Variants in CHODL observed in about 807,000 individuals in gnomAD.
The protein encoded by CHODL is chondrolectin.
A neutral mutation model predicts 34.5 loss-of-function variants in CHODL; 29 were observed. The observed-to-expected ratio is 0.84, with a 90% CI of 0.63 to 1.15. The LOEUF is 1.15. CHODL is among the 50% of genes most tolerant of loss of function. CHODL has a pLI of 0.00. For synonymous variants in CHODL, 125 were observed against 116.1 expected (o/e 1.08, Z -0.49); for missense variants, 332 against 332.5 (o/e 1.00, Z 0.01).
intron 2 of CHODL, among the ~76,000 whole-genome samples, chr21:18,172,937 C>CAGTT (rs1568922501): frequency 6.6e-6 from 1 of 152,158 alleles, no homozygotes; most frequent in Admixed American, 6.5e-5. Flanking sequence ...CAAGCCCATT[C>CAGTT]AGTTTACTGG....
chr21:18,006,361 A>T (rs1038944017), intron 1 of CHODL, among the ~76,000 whole-genome samples: 5 of 151,888 alleles, frequency 3.3e-5, no homozygotes, highest in Non-Finnish European at 7.4e-5. Flanking sequence ...TAAAAGAAAA[A>T]AAAAAAAGAA....
At position 17,938,485 on chromosome 21, in the gene CHODL, TTTTTTTTTA is replaced by T. The variant is rs2063334952; in HGVS notation, c.-145+21086_-145+21094del. Among the ~76,000 whole-genome samples the T allele has an allele frequency of 9.5e-4, 5 of 5,240 alleles. 1 individual carries two copies. Among genetic ancestry groups the T allele is most frequent in the South Asian group, 7.1e-3 (2 of 280 alleles). The allele number at this position is 5,240 out of a possible 152,430, so 3.4% of individuals were successfully genotyped here. Reference sequence around the variant, plus strand: ...TTCTTTTTTTTTTTTTTTTTTTTTTTTTTTTTTTAAGGAAAGGGAGTCTCGCTCCATCGC... The same window carrying T: ...TTCTTTTTTTTTTTTTTTTTTTTTTTAGGAAAGGGAGTCTCGCTCCATCGC... On this transcript the variant is annotated intron_variant, in intron 1 of 6. Coordinates refer to the CHODL transcript ENST00000400127.
chr21:18,079,751 T>A (rs2064914860), intron 2 of CHODL, among the ~76,000 whole-genome samples: 1 of 87,886 alleles, frequency 1.1e-5, no homozygotes, highest in Non-Finnish European at 3.5e-5. Flanking sequence ...TAATAATACC[T>A]ACTCGTGTAT....
chr21:17,969,588 A>G (rs2063598440), intron 1 of CHODL, among the ~76,000 whole-genome samples: 1 of 152,208 alleles, frequency 6.6e-6, no homozygotes. Flanking sequence ...GTGACAGTGT[A>G]TACCATTTTT....
chr21:18,195,382 A>G (rs2073574852), intron 2 of CHODL, among the ~76,000 whole-genome samples: 1 of 152,110 alleles, frequency 6.6e-6, no homozygotes, highest in African/African-American at 2.4e-5. Context: ...TATAGTCACC[A>G]TGCTATATAG....
intron 3 of CHODL, among the ~76,000 whole-genome samples, chr21:18,259,876 C>T (rs563060999): frequency 1.3e-5 from 2 of 152,128 alleles, no homozygotes; most frequent in Non-Finnish European, 2.9e-5. Flanking sequence ...TCTTGGTTAT[C>T]CTTGCTTAAC....
intron 1 of CHODL, among the ~76,000 whole-genome samples, chr21:17,960,675 T>G (rs17768858): frequency 0.031 from 4,718 of 152,268 alleles, 104 homozygotes; most frequent in South Asian, 0.094. Context: ...AATCTGTTCT[T>G]GATCTTTTCC....
chr21:17,982,534 G>T (rs1394201712), intron 1 of CHODL, among the ~76,000 whole-genome samples: 2 of 151,424 alleles, frequency 1.3e-5, no homozygotes, highest in East Asian at 3.9e-4. Context: ...TTTTATTATA[G>T]GAACATTTCA....
chr21:18,193,448 C>G (rs541418965), intron 2 of CHODL, among the ~76,000 whole-genome samples: 3 of 152,132 alleles, frequency 2.0e-5, no homozygotes, highest in Admixed American at 6.6e-5. Context: ...GTAATCCCAG[C>G]ATTTTGGGAG....
intron 2 of CHODL, among the ~76,000 whole-genome samples, chr21:18,185,769 C>A (rs2073433246): frequency 6.6e-6 from 1 of 152,104 alleles, no homozygotes; most frequent in Admixed American, 6.5e-5. Flanking sequence ...ATCAAGGCAC[C>A]AACAGATTTG....
intron 2 of CHODL, among the ~76,000 whole-genome samples, chr21:18,124,016 C>T (rs1302659631): frequency 6.6e-6 from 1 of 152,054 alleles, no homozygotes; most frequent in East Asian, 1.9e-4. Flanking sequence ...AATCCCGTCT[C>T]TACTAAAAAA....
intron 2 of CHODL, among the ~76,000 whole-genome samples, chr21:18,167,225 G>C (rs796477957): frequency 0.095 from 14,166 of 149,416 alleles, 839 homozygotes; most frequent in South Asian, 0.16. Context: ...GTGTGTGTGT[G>C]TGTGTGTGTG....
intron 2 of CHODL, among the ~76,000 whole-genome samples, chr21:18,034,005 C>T (rs1600919730): frequency 6.6e-6 from 1 of 151,852 alleles, no homozygotes. Flanking sequence ...AAGGAATTTC[C>T]ACTGACTCTA....
At chr21:18,195,472 AC>A (rs2146699772) in intron 2 of CHODL, among the ~76,000 whole-genome samples, 1 of 151,778 alleles carries the variant, frequency 6.6e-6, no homozygotes, top group African/African-American at 2.4e-5. Context: ...CCTCACCATC[AC>A]CCGCAGTCCT....
At chr21:18,087,913 C>T (rs1477944973) in intron 2 of CHODL, among the ~76,000 whole-genome samples, 2 of 152,054 alleles carry the variant, frequency 1.3e-5, no homozygotes, top group African/African-American at 4.8e-5. Flanking sequence ...CTGCAGAGGC[C>T]TCAGGAAACT....
chr21:17,949,681 A>G (rs1201434231), intron 1 of CHODL, among the ~76,000 whole-genome samples: 1 of 152,194 alleles, frequency 6.6e-6, no homozygotes, highest in Non-Finnish European at 1.5e-5. Flanking sequence ...TGTAAAAGTA[A>G]ATGTTATAGT....
In CHODL at chr21:17,968,799, A is replaced by G. The variant is rs189949171; in HGVS notation, c.-145+51399A>G. ...AGTTGGATGGAAGAATCTTTATTTT[A>G]TTCTTACTGTTGATTCCCCTGTACT... On this transcript the variant is annotated intron_variant, in intron 1 of 6. Transcript: ENST00000400127. 9.7e-4 allele frequency among the ~76,000 whole-genome samples: 148 copies of G among 152,234 alleles called. 1 individual carries two copies. The highest frequency in any genetic ancestry group is 1.6e-3 in the Admixed American group (24 of 15,286).
chr21:18,261,664 C>T (rs2074384374), intron 4 of CHODL, among the ~76,000 whole-genome samples: 1 of 151,490 alleles, frequency 6.6e-6, no homozygotes, highest in Non-Finnish European at 1.5e-5. Flanking sequence ...AGACTCTGTC[C>T]CTCCACAAAA....
chr21:18,041,292 T>C (rs1448822651), intron 2 of CHODL, among the ~76,000 whole-genome samples: 1 of 151,928 alleles, frequency 6.6e-6, no homozygotes, highest in Non-Finnish European at 1.5e-5. Context: ...GTGATTGGCT[T>C]TGGGGACTTG....
Sources: gnomAD v4.1 joint callset for allele counts (sites outside exome capture counted in the v4.1 genomes callset) on GRCh38, gnomAD v4.1.1 for gene constraint, MANE v1.5 for transcripts, NCBI Gene and HGNC (gene_info 2026-07-23, HGNC 2026-07-21) for gene names.